The following DLG2 variants were observed in gnomAD, a reference collection of about 807,000 sequenced individuals.
DLG2 encodes the protein disks large homolog 2.
A neutral mutation model predicts 132.5 loss-of-function variants in DLG2; 45 were observed. The observed-to-expected ratio is 0.34, with a 90% CI of 0.27 to 0.44. DLG2 has a LOEUF of 0.44. Among genes scored for constraint, DLG2 ranks in the 20% least tolerant of loss-of-function variants. DLG2 has a pLI of 1.00. For missense variants in DLG2, 1,045 were observed against 1,196.9 expected (o/e 0.87, Z 1.87); for synonymous variants, 424 against 419.6 (o/e 1.01, Z -0.13).
chr11:84,560,802 G>T (rs934992982), intron 6 of DLG2, among the ~76,000 whole-genome samples: 1 of 152,030 alleles, frequency 6.6e-6, no homozygotes, highest in South Asian at 2.1e-4. Context: ...AGGTCTGAGT[G>T]CCACCCTTTG....
chr11:84,676,672 C>T (rs2099711836), intron 6 of DLG2, among the ~76,000 whole-genome samples: 1 of 152,048 alleles, frequency 6.6e-6, no homozygotes, highest in African/African-American at 2.4e-5. Flanking sequence ...TGATTCTGTA[C>T]TACCTGTGGC....
chr11:83,492,495 C>T (rs2093910178), intron 21 of DLG2, among the ~76,000 whole-genome samples: 1 of 151,968 alleles, frequency 6.6e-6, no homozygotes, highest in Non-Finnish European at 1.5e-5. Flanking sequence ...CTCATATATC[C>T]AATTAATTGC....
intron 3 of DLG2, among the ~76,000 whole-genome samples, chr11:85,541,666 T>A (rs2075984954): frequency 6.6e-6 from 1 of 152,090 alleles, no homozygotes; most frequent in Admixed American, 6.6e-5. Context: ...AAAACACAGA[T>A]TTGAAGTCAT....
chr11:84,474,537 C>T (rs768308393), intron 7 of DLG2, among the ~76,000 whole-genome samples: 3 of 151,996 alleles, frequency 2.0e-5, no homozygotes, highest in Admixed American at 6.6e-5. Context: ...TTGAAGCCAA[C>T]TCCTATAGAC....
chr11:85,598,611 C>A (rs750698173), intron 3 of DLG2, 46 bp downstream of exon 3: 21 of 1,431,786 alleles, frequency 1.5e-5, no homozygotes, highest in Non-Finnish European at 6.5e-6. Context: ...AACTATCAAG[C>A]CCAATTCTGA....
chr11:83,559,585 T>TTC (rs1263657039), intron 19 of DLG2, among the ~76,000 whole-genome samples: 2 of 152,198 alleles, frequency 1.3e-5, no homozygotes, highest in African/African-American at 4.8e-5. Context: ...CCATTTATCC[T>TTC]TCTCTCTCAA....
At chr11:84,353,112 C>T (rs559780330) in intron 7 of DLG2, among the ~76,000 whole-genome samples, 15 of 152,202 alleles carry the variant, frequency 9.9e-5, no homozygotes, top group African/African-American at 2.9e-4. Flanking sequence ...GCAAACAAAC[C>T]TCTCAAAAAG....
At position 84,834,933 on chromosome 11, in the gene DLG2, A is replaced by T. The variant is rs1479275783; in HGVS notation, c.357+276728T>A. On this transcript the variant is annotated intron_variant, in intron 6 of 27. Coordinates refer to ENST00000376104, the MANE Select transcript of DLG2 (RefSeq NM_001142699.3). ...AAAAAAATTTTTGGGAAAAAATCTGACATCAATTAAGTTTGGAAAATGCTA... is the reference window on the plus strand; with the variant it reads ...AAAAAAATTTTTGGGAAAAAATCTGTCATCAATTAAGTTTGGAAAATGCTA... 4.0e-5 allele frequency among the ~76,000 whole-genome samples: 6 copies of T among 151,664 alleles called. No individual in the cohort carries two copies. The East Asian group carries it at 1.2e-3, about 30-fold the overall frequency.
intron 9 of DLG2, among the ~76,000 whole-genome samples, chr11:84,155,057 C>T (rs1245789976): frequency 6.6e-6 from 1 of 152,102 alleles, no homozygotes; most frequent in African/African-American, 2.4e-5. Flanking sequence ...AGAACTCATA[C>T]AAATTTACAA....
At chr11:84,836,908 G>A (rs999211449) in intron 6 of DLG2, among the ~76,000 whole-genome samples, 8 of 151,694 alleles carry the variant, frequency 5.3e-5, no homozygotes, top group Non-Finnish European at 1.2e-4. Flanking sequence ...TGTGCACAAC[G>A]TGCAGGTTTG....
At chr11:85,064,976 A>G (rs961828417) in intron 6 of DLG2, among the ~76,000 whole-genome samples, 1 of 151,632 alleles carries the variant, frequency 6.6e-6, no homozygotes, top group African/African-American at 2.4e-5. Context: ...AAGTACCGAT[A>G]TAGGTACTTT....
At chr11:85,275,955 G>A (rs2077865791) in intron 4 of DLG2, among the ~76,000 whole-genome samples, 1 of 152,100 alleles carries the variant, frequency 6.6e-6, no homozygotes, top group Non-Finnish European at 1.5e-5. Context: ...ACAGTACACT[G>A]TTTTAAGGAT....
chr11:84,984,831 A>G (rs2056269888), intron 6 of DLG2, among the ~76,000 whole-genome samples: 1 of 152,214 alleles, frequency 6.6e-6, no homozygotes, highest in African/African-American at 2.4e-5. Flanking sequence ...GGGCAGGAGT[A>G]GCTAGTCCTA....
intron 6 of DLG2, among the ~76,000 whole-genome samples, chr11:84,730,456 A>G (rs780519684): frequency 6.6e-6 from 1 of 152,078 alleles, no homozygotes; most frequent in Non-Finnish European, 1.5e-5. Flanking sequence ...CTAGCCAAGA[A>G]ACTTATTTAA....
intron 3 of DLG2, among the ~76,000 whole-genome samples, chr11:85,425,603 T>C (rs1225242712): frequency 6.6e-6 from 1 of 152,174 alleles, no homozygotes; most frequent in East Asian, 1.9e-4. Flanking sequence ...CTAGTAATCC[T>C]ACTTTCTTAA....
At chr11:83,546,198 C>G (rs2096239145) in intron 19 of DLG2, among the ~76,000 whole-genome samples, 1 of 152,120 alleles carries the variant, frequency 6.6e-6, no homozygotes, top group South Asian at 2.1e-4. Context: ...TGTGAGATAC[C>G]TGGGTACCCT....
chr11:84,093,480 T>C (rs909188131), intron 10 of DLG2, among the ~76,000 whole-genome samples: 8 of 152,224 alleles, frequency 5.3e-5, no homozygotes, highest in Non-Finnish European at 1.0e-4. Context: ...CTCATGTAAT[T>C]AGACCAGGTT....
intron 3 of DLG2, among the ~76,000 whole-genome samples, chr11:85,525,868 G>C (rs1287228193): frequency 6.6e-6 from 1 of 151,928 alleles, no homozygotes; most frequent in African/African-American, 2.4e-5. Flanking sequence ...CTAGACAGGA[G>C]AGATCTCAGA....
At chr11:84,418,635 A>T (rs1200466858) in intron 7 of DLG2, among the ~76,000 whole-genome samples, 1 of 152,184 alleles carries the variant, frequency 6.6e-6, no homozygotes, top group Non-Finnish European at 1.5e-5. Flanking sequence ...CCTTCTGTTC[A>T]TGCAATTAGG....
Sources: allele counts gnomAD v4.1 joint callset (sites outside exome capture counted in the v4.1 genomes callset), GRCh38; gene constraint gnomAD v4.1.1; transcripts MANE v1.5; gene names NCBI Gene and HGNC (gene_info 2026-07-23, HGNC 2026-07-21).